The following KIAA1217 variants were observed in gnomAD, a reference collection of about 807,000 sequenced individuals.
KIAA1217 encodes the protein sickle tail protein homolog.
Under a neutral mutation model 163.9 loss-of-function variants are expected in KIAA1217, and 88 were observed. The ratio of observed to expected loss-of-function variants is 0.54; its 90% confidence interval spans 0.45 to 0.64. The LOEUF (loss-of-function observed/expected upper bound fraction) is 0.64. Ranked by LOEUF, KIAA1217 falls within the 30% of genes least tolerant of loss-of-function variation. KIAA1217 has a pLI of 0.00. For missense variants in KIAA1217, 2,372 were observed against 2,475.0 expected (o/e 0.96, Z 0.88); for synonymous variants, 903 against 923.1 (o/e 0.98, Z 0.39).
chr10:23,984,586 A>T (rs113617991), intron 1 of KIAA1217, among the ~76,000 whole-genome samples: 9,090 of 151,664 alleles, frequency 0.06, 885 homozygotes, highest in African/African-American at 0.21. Flanking sequence ...TGCAGCCATA[A>T]AAAAGGATGA....
At chr10:23,889,243 C>T (rs748787158) in intron 1 of KIAA1217, among the ~76,000 whole-genome samples, 13 of 151,844 alleles carry the variant, frequency 8.6e-5, no homozygotes, top group South Asian at 2.1e-4. Flanking sequence ...TGTTTTCTAA[C>T]GTGATGGGAC....
intron 1 of KIAA1217, among the ~76,000 whole-genome samples, chr10:23,893,758 A>G (rs1258228947): frequency 1.3e-5 from 2 of 151,896 alleles, no homozygotes; most frequent in African/African-American, 2.4e-5. Flanking sequence ...CTGGCAAACC[A>G]AATCCAGCAG....
chr10:23,940,212 C>A (rs928449915), intron 1 of KIAA1217, among the ~76,000 whole-genome samples: 4 of 151,658 alleles, frequency 2.6e-5, no homozygotes, highest in African/African-American at 9.7e-5. Flanking sequence ...GTAATCCCAG[C>A]ACTTTGGGAG....
chr10:24,096,566 G>A (rs1378921304), intron 2 of KIAA1217, among the ~76,000 whole-genome samples: 1 of 152,138 alleles, frequency 6.6e-6, no homozygotes, highest in Non-Finnish European at 1.5e-5. Context: ...ACCAGGCTCT[G>A]CAGGGTCTGG....
At chr10:24,506,052 G>A (rs2068305313) in intron 9 of KIAA1217, among the ~76,000 whole-genome samples, 1 of 152,098 alleles carries the variant, frequency 6.6e-6, no homozygotes, top group African/African-American at 2.4e-5. Flanking sequence ...TTGACGATTA[G>A]GCTGCTTACA....
chr10:24,128,964 C>A (rs2063558984), intron 2 of KIAA1217, among the ~76,000 whole-genome samples: 1 of 152,184 alleles, frequency 6.6e-6, no homozygotes, highest in African/African-American at 2.4e-5. Context: ...TCAGAATTAA[C>A]CCTACTTCAG....
At chr10:23,873,055 C>A (rs1840535894) in intron 1 of KIAA1217, among the ~76,000 whole-genome samples, 1 of 152,038 alleles carries the variant, frequency 6.6e-6, no homozygotes, top group African/African-American at 2.4e-5. Context: ...GAATATCTCA[C>A]TGGCTAGAGG....
chr10:24,249,739 C>CA (rs1475624888), intron 2 of KIAA1217, among the ~76,000 whole-genome samples: 2 of 152,120 alleles, frequency 1.3e-5, no homozygotes, highest in East Asian at 3.9e-4. Context: ...ATAGTTCTCC[C>CA]AAAAAAACCC....
intron 1 of KIAA1217, among the ~76,000 whole-genome samples, chr10:23,777,470 G>A (rs1469431179): frequency 1.3e-5 from 2 of 152,150 alleles, no homozygotes; most frequent in Admixed American, 6.5e-5. Flanking sequence ...CCTGGAACCC[G>A]TTAGTCATTC....
At chr10:24,209,844 T>C (rs775395754) in intron 1 of KIAA1217, among the ~76,000 whole-genome samples, 4 of 152,366 alleles carry the variant, frequency 2.6e-5, no homozygotes, top group African/African-American at 7.2e-5. Context: ...TTGGGAGTTG[T>C]TGGACAATTT....
intron 2 of KIAA1217, among the ~76,000 whole-genome samples, chr10:24,149,657 C>T (rs1241695011): frequency 1.3e-5 from 2 of 151,962 alleles, no homozygotes; most frequent in Non-Finnish European, 2.9e-5. Context: ...TACACAAATA[C>T]ACTTAGCTAG....
chr10:24,432,952 T>G, intron 3 of KIAA1217, 43 bp from the exon 4 acceptor site: 2 of 1,538,292 alleles, frequency 1.3e-6, no homozygotes, highest in Non-Finnish European at 1.8e-6. Flanking sequence ...GTGTGTCCCC[T>G]GAGTCTTGAC....
chr10:23,813,915 T>C (rs2130991601), intron 1 of KIAA1217, among the ~76,000 whole-genome samples: 1 of 152,312 alleles, frequency 6.6e-6, no homozygotes, highest in Non-Finnish European at 1.5e-5. Flanking sequence ...ACATTTCTCC[T>C]TGATGCCCAG....
intron 1 of KIAA1217, among the ~76,000 whole-genome samples, chr10:23,975,134 A>G (rs1021451667): frequency 6.6e-6 from 1 of 152,190 alleles, no homozygotes; most frequent in South Asian, 2.1e-4. Flanking sequence ...TACTTTTTAC[A>G]TGGGAAATGT....
chr10:24,029,698 C>G (rs990638660), intron 2 of KIAA1217, among the ~76,000 whole-genome samples: 2 of 152,130 alleles, frequency 1.3e-5, no homozygotes, highest in Non-Finnish European at 2.9e-5. Flanking sequence ...AGCCAAGGAG[C>G]CAGAAGACAA....
At position 23,860,567 on chromosome 10, in the gene KIAA1217, T is replaced by C. The variant is rs1839904482; in HGVS notation, c.-320-146658T>C. Among the ~76,000 whole-genome samples, 3 of 152,354 alleles carry C rather than the reference T, an allele frequency of 2.0e-5. No homozygotes were observed. In the South Asian group the frequency reaches 6.2e-4, roughly 32 times the overall value. On this transcript the variant is annotated intron_variant, in intron 1 of 18. Transcript: ENST00000376462. ...AGACTTTGGAGTTAGGAATTGTTAT[T>C]CTAACTCATTTCTTTCTTCCTTTAT... is the stretch of plus-strand genomic sequence containing the variant.
intron 2 of KIAA1217, among the ~76,000 whole-genome samples, chr10:24,056,476 A>G (rs2060536605): frequency 6.6e-6 from 1 of 152,180 alleles, no homozygotes; most frequent in Non-Finnish European, 1.5e-5. Context: ...GGACTGTACT[A>G]AGAACGTCTA....
intron 1 of KIAA1217, among the ~76,000 whole-genome samples, chr10:23,798,054 TCCTTGTTTTG>T (rs1836292339): frequency 6.6e-6 from 1 of 152,182 alleles, no homozygotes; most frequent in Non-Finnish European, 1.5e-5. Flanking sequence ...AAGAAATTAT[TCCTTGTTTTG>T]CCTCTTCCAT....
chr10:23,889,362 A>AT (rs1434182652), intron 1 of KIAA1217, among the ~76,000 whole-genome samples: 2 of 151,768 alleles, frequency 1.3e-5, no homozygotes, highest in East Asian at 3.9e-4. Flanking sequence ...TTGGCACCTC[A>AT]TTGTGGTTTT....
Sources: allele counts gnomAD v4.1 joint callset (sites outside exome capture counted in the v4.1 genomes callset), GRCh38; gene constraint gnomAD v4.1.1; transcripts MANE v1.5; gene names NCBI Gene and HGNC (gene_info 2026-07-23, HGNC 2026-07-21).